ARHGAP11A: variants seen among roughly 807,000 people sequenced by gnomAD.
ARHGAP11A encodes the protein rho GTPase-activating protein 11A.
In ARHGAP11A, 36 loss-of-function variants were observed where a neutral mutation model predicts 60.5. The observed-to-expected ratio is 0.59, with a 90% CI of 0.46 to 0.79. The LOEUF is 0.79. ARHGAP11A is among the 30% of genes least tolerant of loss of function. The pLI is 0.00. For missense variants in ARHGAP11A, 1,071 were observed against 1,199.2 expected, an observed-to-expected ratio of 0.89 and a Z score of 1.58; for synonymous variants, 362 against 415.5, an observed-to-expected ratio of 0.87 and a Z score of 1.57.
rs775574246 is a variant in ARHGAP11A at position 32,636,877 on chromosome 15, G to T, written c.2104G>T (p.Asp702Tyr). 14 of 1,612,768 alleles carry T rather than the reference G, an allele frequency of 8.7e-6. No homozygotes were observed. The highest frequency in any genetic ancestry group is 4.5e-5 in the East Asian group (2 of 44,870). Residue 702 changes from aspartate (D) to tyrosine (Y), a missense_variant, in exon 12 of 12, where the codon GAC becomes TAC. By Grantham distance (160) the Asp-to-Tyr change is radical. Around this residue, in one of 4 missense-constraint regions of ARHGAP11A, gnomAD observed 776 missense variants for 760.2 expected, o/e 1.02. Coordinates refer to ENST00000361627, the MANE Select transcript of ARHGAP11A (RefSeq NM_014783.6). The stretch of plus-strand genomic sequence containing the variant: ...TCAGATGAAGATGGAACATGAAAAA[G>T]ACATTCATTCAAATATGCCAAAAGA... ...STQMKMEHEK[D>Y]IHSNMPKDYL... is the part of the protein sequence containing the mutation.
Position 32,637,333 on chromosome 15 carries a change from C to T in ARHGAP11A, c.2560C>T (p.Gln854Ter), listed in dbSNP as rs1489777715. The part of the protein sequence containing the change: ...RINSLLEYSR[Q>*]PTGHKLASLG... The stretch of plus-strand genomic sequence containing the variant: ...TAATTCTTTGTTGGAGTATAGCAGA[C>T]AACCTACAGGGCATAAGTTGGCGAG... The change falls in exon 12 of 12, where the codon CAA becomes TAA. Residue 854 changes from glutamine to a stop codon, truncating the protein, a stop_gained. Transcript: ENST00000361627. LOFTEE classifies it low-confidence loss of function (END_TRUNC). 11 of 1,614,090 alleles carry T rather than the reference C, an allele frequency of 6.8e-6. No homozygotes were observed. The highest frequency in any genetic ancestry group is 1.3e-5 in the African/African-American group (1 of 74,940).
At position 32,633,007 on chromosome 15, in the gene ARHGAP11A, A is replaced by G. The variant is rs1283995734; in HGVS notation, c.1134A>G (p.Ser378=). Residue 378 remains serine (S), a synonymous_variant, in exon 9 of 12, where the codon TCA becomes TCG. Transcript: ENST00000361627. The stretch of plus-strand genomic sequence containing the variant: ...ACATCGATACAAGCTCAGAAGGGTC[A>G]TCTCAGAGTTCACTCTCTCCTGTAC... ...SVHIDTSSEG[S]SQSSLSPVLI... The G allele has an allele frequency of 6.2e-7, 1 of 1,613,876 alleles. No homozygotes were observed. Among genetic ancestry groups the G allele is most frequent in the Admixed American group, 1.7e-5 (1 of 60,006 alleles).
intron 8 of ARHGAP11A, chr15:32,632,772 A>G: frequency 4.7e-6 from 2 of 427,772 alleles, no homozygotes; most frequent in Non-Finnish European, 8.3e-6. Context: ...CTGACCTTTA[A>G]TTGGCAAGTC....
chr15:32,637,853 ATGTTATACT>A lies in ARHGAP11A; in HGVS notation c.*12_*20del. The A allele has an allele frequency of 6.4e-7, 1 of 1,564,634 alleles. No homozygotes were observed. ...AAACCTGTAGATTTGTAATTGGTAA[ATGTTATACT>A]TGTCATTAATGTAAATAAAGTGAGT... On this transcript the variant is annotated 3_prime_UTR_variant, in exon 12 of 12. Transcript: ENST00000361627.
rs948623926 is a variant in ARHGAP11A at position 32,621,686 on chromosome 15, G to A, written c.200+1508G>A. Among the ~76,000 whole-genome samples, 6 of 152,414 alleles carry A rather than the reference G, an allele frequency of 3.9e-5. No individual in the cohort carries two copies. The East Asian group carries it at 5.8e-4, about 15-fold the overall frequency. ...TAAAAATACAAAACATTAGCTGAGT[G>A]TGGTAGCACGCACCTGTAGTTCCAG... On this transcript the variant is annotated intron_variant, in intron 2 of 11. Coordinates refer to ENST00000361627, the MANE Select transcript of ARHGAP11A (RefSeq NM_014783.6).
At chr15:32,627,231 C>G (rs2053479629) in intron 6 of ARHGAP11A, among the ~76,000 whole-genome samples, 1 of 151,858 alleles carries the variant, frequency 6.6e-6, no homozygotes, top group Non-Finnish European at 1.5e-5. Context: ...TTCATTGGTG[C>G]TTTAAGCTTA....
At chr15:32,618,016 G>A (rs1172264750) in intron 1 of ARHGAP11A, among the ~76,000 whole-genome samples, 1 of 152,152 alleles carries the variant, frequency 6.6e-6, no homozygotes, top group Non-Finnish European at 1.5e-5. Flanking sequence ...TTCATCTAAT[G>A]ATAGTTGTCA....
Position 32,636,942 on chromosome 15 carries a change from A to G in ARHGAP11A, c.2169A>G (p.Ile723Met). ...SKQEFSSDEE[I>M]KKQQSPKDKL... ...AAGAATTCTCCAGTGATGAAGAAAT[A>G]AAGAAACAGCAGTCCCCAAAGGATA... Residue 723 changes from isoleucine (I) to methionine (M), a missense_variant, in exon 12 of 12, where the codon ATA (isoleucine) becomes ATG (methionine). Transcript: ENST00000361627. 5.0e-6 allele frequency: 8 copies of G among 1,610,910 alleles called. No homozygotes were observed. The highest frequency in any genetic ancestry group is 6.8e-6 in the Non-Finnish European group (8 of 1,179,144).
intron 1 of ARHGAP11A, among the ~76,000 whole-genome samples, chr15:32,617,906 A>C (rs988886994): frequency 1.2e-4 from 19 of 152,106 alleles, no homozygotes; most frequent in Admixed American, 2.6e-4. Flanking sequence ...AGTTTTATAT[A>C]TATAAAGTGG....
Position 32,636,895 on chromosome 15 carries a change from C to A in ARHGAP11A, c.2122C>A (p.Pro708Thr). The change falls in exon 12 of 12, where the codon CCA (proline) becomes ACA (threonine). Residue 708 changes from proline to threonine, a missense_variant. This residue lies in a region of ARHGAP11A where 776 missense variants were observed against 760.2 expected (regional missense o/e 1.02). Transcript: ENST00000361627. The part of the protein sequence containing the change: ...EHEKDIHSNM[P>T]KDYLSKQEFS... Reference sequence around the variant, plus strand: ...TGAAAAAGACATTCATTCAAATATGCCAAAAGATTATTTAAGCAAGCAAGA... The same window carrying A: ...TGAAAAAGACATTCATTCAAATATGACAAAAGATTATTTAAGCAAGCAAGA... 1 of 1,613,140 alleles carries A rather than the reference C, an allele frequency of 6.2e-7. No homozygotes were observed. Among genetic ancestry groups the A allele is most frequent in the Non-Finnish European group, 8.5e-7 (1 of 1,179,752 alleles).
intron 1 of ARHGAP11A, among the ~76,000 whole-genome samples, chr15:32,617,785 A>G (rs956670234): frequency 6.6e-6 from 1 of 152,172 alleles, no homozygotes. Flanking sequence ...TCACCGCTTA[A>G]CAAGAAAAAC....
intron 6 of ARHGAP11A, among the ~76,000 whole-genome samples, chr15:32,627,322 C>G (rs1023793169): frequency 2.6e-5 from 4 of 151,986 alleles, no homozygotes; most frequent in African/African-American, 9.7e-5. Flanking sequence ...CCACTATTCC[C>G]TAGATACTCA....
At position 32,636,304 on chromosome 15, in the gene ARHGAP11A, C is replaced by T; in HGVS notation, c.1531C>T (p.Arg511Ter). ...TGAGGAAACCTTACTAACTCCAGAG[C>T]GACTAGTTGGAACAAATTACCGGAT... The part of the protein sequence containing the change: ...KSEETLLTPE[R>*]LVGTNYRMSW... Residue 511 changes from arginine to a stop codon, truncating the protein, a stop_gained, in exon 12 of 12, where the codon CGA becomes TGA. Transcript: ENST00000361627. LOFTEE classifies it low-confidence loss of function (END_TRUNC). 1 of 1,612,450 alleles carries T rather than the reference C, an allele frequency of 6.2e-7. No homozygotes were observed. The highest frequency in any genetic ancestry group is 1.7e-5 in the Admixed American group (1 of 59,678).
intron 10 of ARHGAP11A, among the ~76,000 whole-genome samples, 192 bp from the exon 11 acceptor site, chr15:32,635,585 A>T (rs1457352174): frequency 6.6e-6 from 1 of 152,188 alleles, no homozygotes; most frequent in Non-Finnish European, 1.5e-5. Flanking sequence ...AATATCAACT[A>T]ATAGCAAAAT....
intron 1 of ARHGAP11A, among the ~76,000 whole-genome samples, chr15:32,619,587 A>G (rs1206844478): frequency 7.0e-6 from 1 of 142,052 alleles, no homozygotes; most frequent in Non-Finnish European, 1.6e-5. Context: ...TGGAAAATGT[A>G]TTAGGTATAA....
At chr15:32,629,320 A>G (rs1456570341) in intron 7 of ARHGAP11A, among the ~76,000 whole-genome samples, 3 of 146,966 alleles carry the variant, frequency 2.0e-5, no homozygotes, top group Admixed American at 6.9e-5. Flanking sequence ...CCTTACATTA[A>G]TATTCTTTAA....
intron 6 of ARHGAP11A, among the ~76,000 whole-genome samples, chr15:32,627,197 A>G (rs1249398266): frequency 2.0e-5 from 3 of 151,762 alleles, no homozygotes; most frequent in Non-Finnish European, 4.4e-5. Context: ...ATGGCTTGCT[A>G]GGGAGACCTC....
rs780143399 is a variant in ARHGAP11A, at chr15:32,620,089, A to G, written c.130-19A>G. ...TATGCCTAATATTTGTGTTAGAGTA[A>G]CTGAATTTGTCATTTTAGGGTAAAA... On this transcript the variant is annotated intron_variant, in intron 1 of 11. Transcript: ENST00000361627. The G allele has an allele frequency of 3.2e-6, 5 of 1,583,206 alleles. No individual in the cohort carries two copies. Among genetic ancestry groups the G allele is most frequent in the Admixed American group, 3.6e-5 (2 of 54,978 alleles).
intron 11 of ARHGAP11A, 91 bp downstream of exon 11, chr15:32,636,006 C>A (rs2053705048): frequency 2.1e-6 from 3 of 1,450,808 alleles, no homozygotes; most frequent in East Asian, 2.5e-5. Flanking sequence ...ATTTACTGTT[C>A]TAGAGATTAA....
Sources: allele counts gnomAD v4.1 joint callset (sites outside exome capture counted in the v4.1 genomes callset), GRCh38; gene constraint gnomAD v4.1.1; regional missense constraint gnomAD v4.1.1; transcripts MANE v1.5; gene names NCBI Gene and HGNC (gene_info 2026-07-23, HGNC 2026-07-21).